CFAP206: variants seen among roughly 807,000 people sequenced by gnomAD.
CFAP206 encodes cilia and flagella associated protein 206.
A neutral mutation model predicts 65.4 loss-of-function variants in CFAP206; 53 were observed. The ratio of observed to expected loss-of-function variants is 0.81; its 90% CI spans 0.65 to 1.02. CFAP206 has a LOEUF of 1.02. Among genes scored for constraint, CFAP206 ranks in the 50% least tolerant of loss-of-function variants. The probability of loss-of-function intolerance (pLI) is 0.00; values close to 1 mark genes in which losing one functional copy is unlikely to be tolerated. For missense variants in CFAP206, 663 were observed against 753.2 expected, an observed-to-expected ratio of 0.88 and a Z score of 1.40; for synonymous variants, 250 against 254.4, an observed-to-expected ratio of 0.98 and a Z score of 0.17.
Position 87,413,858 on chromosome 6 carries a change from A to G in CFAP206, c.241A>G (p.Ile81Val). The G allele has an allele frequency of 6.4e-7, 1 of 1,560,290 alleles. No individual in the cohort carries two copies. The highest frequency in any genetic ancestry group is 8.6e-7 in the Non-Finnish European group (1 of 1,161,400). The part of the protein sequence containing the change: ...LDTKNPSLDT[I>V]KMQVYFDMNY... ...TACTAAAAATCCATCCCTGGACACT[A>G]TTAAGATGCAAGTCTACTTCGATAT... The change falls in exon 4 of 13, where the codon ATT becomes GTT. Residue 81 changes from isoleucine (I) to valine (V), a missense_variant. Physicochemically the swap from Ile to Val is conservative, Grantham distance 29. Coordinates refer to ENST00000369562, the MANE Select transcript of CFAP206 (RefSeq NM_001031743.3).
rs753487433 is a variant in CFAP206, at chr6:87,428,754, G to T, written c.1089G>T (p.Glu363Asp). The change falls in exon 9 of 13, where the codon GAG becomes GAT. Residue 363 changes from glutamate to aspartate, a missense_variant. By Grantham distance (45) the Glu-to-Asp change is conservative (BLOSUM62 2). Coordinates refer to ENST00000369562, the MANE Select transcript of CFAP206 (RefSeq NM_001031743.3). ...FLGAHELYFPERVMQCHLNGA... is the reference protein window; with the variant it reads ...FLGAHELYFPDRVMQCHLNGA... Reference sequence around the variant, plus strand: ...GTGCTCACGAACTATACTTTCCTGAGAGAGTGATGCAATGTCATCTTAATG... The same window carrying T: ...GTGCTCACGAACTATACTTTCCTGATAGAGTGATGCAATGTCATCTTAATG... The T allele has an allele frequency of 3.7e-6, 6 of 1,614,040 alleles. No individual in the cohort carries two copies. In the African/African-American group the frequency reaches 8.0e-5, roughly 22 times the overall value.
intron 11 of CFAP206, among the ~76,000 whole-genome samples, chr6:87,446,691 T>A (rs1427585986): frequency 2.6e-5 from 4 of 152,202 alleles, no homozygotes; most frequent in Non-Finnish European, 1.5e-5. Context: ...CTTTTTTGGC[T>A]CCATATGAAT....
intron 12 of CFAP206, among the ~76,000 whole-genome samples, chr6:87,463,066 A>G (rs1207174272): frequency 2.0e-5 from 3 of 152,186 alleles, no homozygotes; most frequent in Non-Finnish European, 4.4e-5. Context: ...CGGATTGGGT[A>G]AGGATCATGA....
rs1554163375 is a variant in CFAP206, at chr6:87,454,855, A to AAC, written c.1495-6166_1495-6165insCA. Among the ~76,000 whole-genome samples, 405 of 150,460 alleles carry AAC rather than the reference A, an allele frequency of 2.7e-3. 3 individuals carry two copies. Among genetic ancestry groups the AAC allele is most frequent in the African/African-American group, 9.2e-3 (377 of 41,124 alleles). On this transcript the variant is annotated intron_variant, in intron 11 of 12. Coordinates refer to ENST00000369562, the MANE Select transcript of CFAP206 (RefSeq NM_001031743.3). ...GTGAGACTCTGTCTCAAAAAAAAAA[A>AAC]AAAACAAAACAAAACAACAAAAAAC... is the stretch of plus-strand genomic sequence containing the variant.
rs914647813 is a variant in CFAP206, at chr6:87,435,199, C to T, written c.1494+146C>T. ...CAGGTTGTCTGAAAGGGATTCATAT[C>T]TGAAGATGAAAACTAATTGAATCAA... On this transcript the variant is annotated intron_variant, in intron 11 of 12. Transcript: ENST00000369562. 5.8e-6 allele frequency: 3 copies of T among 517,984 alleles called. No homozygotes were observed. The African/African-American group carries it at 5.9e-5, about 10-fold the overall frequency. 32.1% of individuals were successfully genotyped at this position (517,984 alleles called of 1,614,324 possible).
At chr6:87,415,464 G>T in intron 4 of CFAP206, 1 of 568,196 alleles carries the variant, frequency 1.8e-6, no homozygotes, top group Non-Finnish European at 3.3e-6. Context: ...TAGGTGTTTT[G>T]ACAAAGTATT....
At chr6:87,436,591 G>C (rs1448994257) in intron 11 of CFAP206, 2 of 152,916 alleles carry the variant, frequency 1.3e-5, no homozygotes, top group African/African-American at 4.8e-5. Flanking sequence ...GGGAAGTATG[G>C]TAGTCAGGAC....
In CFAP206 at chr6:87,408,893, T is replaced by C. The variant is rs1355629049; in HGVS notation, c.-6+804T>C. The C allele has an allele frequency of 1.3e-5, 2 of 152,142 alleles. 1 individual carries two copies. The highest frequency in any genetic ancestry group is 4.8e-5 in the African/African-American group (2 of 41,420). 9.4% of individuals were successfully genotyped at this position (152,142 alleles called of 1,614,324 possible). ...TTGGAAAGCTAATAATGCTGAGGAG[T>C]TGGCTTTATCTACCTGATATTGCCT... On this transcript the variant is annotated intron_variant, in intron 1 of 12. Coordinates refer to ENST00000369562, the MANE Select transcript of CFAP206 (RefSeq NM_001031743.3).
intron 11 of CFAP206, among the ~76,000 whole-genome samples, chr6:87,455,503 A>C (rs1768622494): frequency 6.6e-6 from 1 of 152,130 alleles, no homozygotes; most frequent in South Asian, 2.1e-4. Flanking sequence ...AATAAAGATC[A>C]GAGCAGAAAT....
chr6:87,459,416 C>G (rs1304712844), intron 11 of CFAP206, among the ~76,000 whole-genome samples: 1 of 152,030 alleles, frequency 6.6e-6, no homozygotes, highest in African/African-American at 2.4e-5. Flanking sequence ...TCTATATGCT[C>G]TAGTCTTCTA....
At chr6:87,431,715 G>C (rs1768162953) in intron 10 of CFAP206, among the ~76,000 whole-genome samples, 1 of 152,188 alleles carries the variant, frequency 6.6e-6, no homozygotes, top group Non-Finnish European at 1.5e-5. Context: ...GCAGCGAGCT[G>C]AGATAACTCC....
intron 11 of CFAP206, among the ~76,000 whole-genome samples, chr6:87,438,681 G>A (rs1374464925): frequency 4.6e-5 from 7 of 151,940 alleles, no homozygotes; most frequent in South Asian, 2.1e-4. Context: ...CTTCATGGCC[G>A]TCCCTGGCTC....
chr6:87,428,639 C>T lies in CFAP206; in HGVS notation c.974C>T (p.Ala325Val). The T allele has an allele frequency of 1.1e-5, 18 of 1,614,068 alleles. No homozygotes were observed. Among genetic ancestry groups the T allele is most frequent in the Non-Finnish European group, 1.4e-5 (17 of 1,179,988 alleles). Reference sequence around the variant, plus strand: ...TCTCTTCCTCAGCCTATCTTCATTGCACTTTCTACTCTGTGGACCAGCTTG... The same window carrying T: ...TCTCTTCCTCAGCCTATCTTCATTGTACTTTCTACTCTGTGGACCAGCTTG... ...PTSQVFPIFIALSTLWTSLQD... is the reference protein window; with the variant it reads ...PTSQVFPIFIVLSTLWTSLQD... Residue 325 changes from alanine to valine, a missense_variant, in exon 9 of 13, where the codon GCA (alanine) becomes GTA (valine). Ala to Val is a moderately conservative substitution (Grantham distance 64). Transcript: ENST00000369562.
Position 87,426,102 on chromosome 6 carries a change from G to A in CFAP206, c.841-424G>A, listed in dbSNP as rs144227639. On this transcript the variant is annotated intron_variant, in intron 7 of 12. Transcript: ENST00000369562. ...GCTTGCCAACCTGCAGTGCCCTGCT[G>A]GCTCACTCCTAACAGGTTTTTCTCA... 5.7e-3 allele frequency: 879 copies of A among 153,598 alleles called. 33 individuals are homozygous for A. Among genetic ancestry groups the A allele is most frequent in the Admixed American group, 0.054 (822 of 15,338 alleles). 9.5% of individuals were successfully genotyped at this position (153,598 alleles called of 1,614,324 possible).
chr6:87,419,418 C>G (rs555645846), intron 7 of CFAP206, among the ~76,000 whole-genome samples: 2 of 152,240 alleles, frequency 1.3e-5, no homozygotes, highest in South Asian at 4.1e-4. Flanking sequence ...CAGAATCTTA[C>G]AAATATAAAA....
intron 7 of CFAP206, among the ~76,000 whole-genome samples, chr6:87,423,373 C>G (rs997445643): frequency 6.6e-6 from 1 of 150,740 alleles, no homozygotes; most frequent in African/African-American, 2.4e-5. Flanking sequence ...CTCAGCCTCT[C>G]GAGTAGCTGG....
At chr6:87,454,502 A>C (rs1768601781) in intron 11 of CFAP206, among the ~76,000 whole-genome samples, 1 of 152,178 alleles carries the variant, frequency 6.6e-6, no homozygotes. Flanking sequence ...AATCTTAAAA[A>C]TATCAAAAAA....
At chr6:87,439,683 G>C (rs1463525545) in intron 11 of CFAP206, among the ~76,000 whole-genome samples, 1 of 151,762 alleles carries the variant, frequency 6.6e-6, no homozygotes, top group Non-Finnish European at 1.5e-5. Flanking sequence ...CTATTATGTA[G>C]AGCCTTTAGT....
At chr6:87,437,825 A>ATTTTTTT (rs1206669821) in intron 11 of CFAP206, among the ~76,000 whole-genome samples, 1 of 104,498 alleles carries the variant, frequency 9.6e-6, no homozygotes, top group Non-Finnish European at 1.9e-5. Context: ...TGCCTGGCTA[A>ATTTTTTT]TTTTTTTTTT....
Sources: gnomAD v4.1 joint callset for allele counts (sites outside exome capture counted in the v4.1 genomes callset) on GRCh38, gnomAD v4.1.1 for gene constraint, MANE v1.5 for transcripts, NCBI Gene and HGNC (gene_info 2026-07-23, HGNC 2026-07-21) for gene names.